Variants in PTPRT observed in about 807,000 individuals in gnomAD.
PTPRT encodes the protein protein tyrosine phosphatase receptor type T, also known as receptor-type tyrosine-protein phosphatase T.
A neutral mutation model predicts 176.8 loss-of-function variants in PTPRT; 56 were observed. The ratio of observed to expected loss-of-function variants is 0.32; its 90% CI spans 0.26 to 0.40. PTPRT has a LOEUF of 0.40. PTPRT is among the 10% of genes least tolerant of loss of function. The pLI is 1.00. For missense variants in PTPRT, 1,540 were observed against 1,908.2 expected, an observed-to-expected ratio of 0.81 and a Z score of 3.60; for synonymous variants, 783 against 739.0, an observed-to-expected ratio of 1.06 and a Z score of -0.96.
At chr20:42,362,173 G>A (rs866018743) in intron 9 of PTPRT, among the ~76,000 whole-genome samples, 6 of 152,126 alleles carry the variant, frequency 3.9e-5, no homozygotes, top group Admixed American at 6.5e-5. Flanking sequence ...GGCTGAGGCT[G>A]GGAGGATTGC....
chr20:43,110,255 T>C (rs1028521303), intron 1 of PTPRT, among the ~76,000 whole-genome samples: 2 of 152,296 alleles, frequency 1.3e-5, no homozygotes, highest in East Asian at 1.9e-4. Flanking sequence ...AGGGAACTAA[T>C]AGAGTGACAG....
intron 19 of PTPRT, among the ~76,000 whole-genome samples, chr20:42,128,471 G>A (rs1987967838): frequency 6.6e-6 from 1 of 152,092 alleles, no homozygotes; most frequent in Non-Finnish European, 1.5e-5. Context: ...GCGTTTATGT[G>A]AATGAATGAA....
At chr20:42,868,713 C>T (rs2078793315) in intron 2 of PTPRT, among the ~76,000 whole-genome samples, 1 of 152,172 alleles carries the variant, frequency 6.6e-6, no homozygotes, top group African/African-American at 2.4e-5. Context: ...AAGCCAGATG[C>T]TATTTATCAA....
intron 1 of PTPRT, among the ~76,000 whole-genome samples, chr20:43,004,714 A>G (rs1984765123): frequency 6.6e-6 from 1 of 152,236 alleles, no homozygotes; most frequent in Admixed American, 6.5e-5. Flanking sequence ...CATCAACAGA[A>G]GAATGGCACA....
the PTPRT span, among the ~76,000 whole-genome samples, chr20:42,057,729 C>A: frequency 6.6e-6 from 1 of 151,950 alleles, no homozygotes; most frequent in Admixed American, 6.6e-5. Flanking sequence ...GCTAGGACTA[C>A]AGATAAACAC....
intron 6 of PTPRT, among the ~76,000 whole-genome samples, chr20:42,713,672 C>A (rs1473457520): frequency 6.6e-6 from 1 of 152,148 alleles, no homozygotes; most frequent in Non-Finnish European, 1.5e-5. Context: ...TAAAATGTAA[C>A]CCCGATTGTT....
chr20:42,694,971 G>A (rs772667800), intron 6 of PTPRT, among the ~76,000 whole-genome samples: 6 of 152,188 alleles, frequency 3.9e-5, no homozygotes, highest in Non-Finnish European at 1.5e-5. Flanking sequence ...CCACTGCAAA[G>A]ATCATGCATG....
chr20:42,446,904 G>A (rs1315689100), intron 9 of PTPRT, among the ~76,000 whole-genome samples: 2 of 152,044 alleles, frequency 1.3e-5, no homozygotes, highest in East Asian at 1.9e-4. Flanking sequence ...CAAGCTCCCT[G>A]CAACTTCTAA....
At chr20:43,122,354 G>A (rs770717454) in intron 1 of PTPRT, among the ~76,000 whole-genome samples, 7 of 152,124 alleles carry the variant, frequency 4.6e-5, no homozygotes, top group Admixed American at 1.3e-4. Flanking sequence ...GAGCCATGCC[G>A]CTGTGACAGC....
chr20:42,567,485 G>A (rs1376347682), intron 7 of PTPRT, among the ~76,000 whole-genome samples: 1 of 152,116 alleles, frequency 6.6e-6, no homozygotes, highest in Non-Finnish European at 1.5e-5. Context: ...TGATTACCAG[G>A]GGGTGAGGTA....
chr20:42,424,457 G>A (rs2059145946), intron 9 of PTPRT, among the ~76,000 whole-genome samples: 2 of 152,110 alleles, frequency 1.3e-5, no homozygotes, highest in African/African-American at 4.8e-5. Flanking sequence ...CCTTCCACCT[G>A]CCTCCCACTC....
intron 1 of PTPRT, among the ~76,000 whole-genome samples, chr20:43,009,275 G>T (rs1000901303): frequency 6.6e-6 from 1 of 152,094 alleles, no homozygotes; most frequent in Non-Finnish European, 1.5e-5. Flanking sequence ...TTACCCACTC[G>T]CTGACATATC....
At chr20:42,636,611 A>G (rs2074606637) in intron 7 of PTPRT, among the ~76,000 whole-genome samples, 1 of 151,758 alleles carries the variant, frequency 6.6e-6, no homozygotes, top group Non-Finnish European at 1.5e-5. Flanking sequence ...ACGGTAAAAC[A>G]CTGTCTCTAC....
intron 13 of PTPRT, among the ~76,000 whole-genome samples, chr20:42,252,175 G>A (rs1250904925): frequency 6.6e-6 from 1 of 152,182 alleles, no homozygotes; most frequent in Non-Finnish European, 1.5e-5. Context: ...ACGATAGGGT[G>A]GATGGTGGTA....
At chr20:42,470,364 C>A (rs533973876) in intron 8 of PTPRT, among the ~76,000 whole-genome samples, 2 of 152,162 alleles carry the variant, frequency 1.3e-5, no homozygotes, top group African/African-American at 4.8e-5. Flanking sequence ...GCTCAGGTTG[C>A]AGCCAGTTTT....
intron 1 of PTPRT, among the ~76,000 whole-genome samples, chr20:43,082,878 A>C (rs760961808): frequency 6.6e-6 from 1 of 152,166 alleles, no homozygotes; most frequent in Non-Finnish European, 1.5e-5. Context: ...CACCTGGACA[A>C]TGAGATGCCA....
chr20:42,378,594 CAGTG>C (rs1473470546), intron 9 of PTPRT, among the ~76,000 whole-genome samples: 2 of 152,206 alleles, frequency 1.3e-5, no homozygotes, highest in East Asian at 1.9e-4. Context: ...AGGCATATCT[CAGTG>C]AGTATCTGTC....
chr20:42,382,361 C>T (rs1446065917), intron 9 of PTPRT, among the ~76,000 whole-genome samples: 1 of 152,166 alleles, frequency 6.6e-6, no homozygotes, highest in East Asian at 1.9e-4. Context: ...TGGACTAGAG[C>T]CAGTTCTAAA....
In PTPRT at chr20:42,867,465, A is replaced by G. The variant is rs141868127; in HGVS notation, c.214+18342T>C. On this transcript the variant is annotated intron_variant, in intron 2 of 30. Transcript: ENST00000373187. ...TGAGAATTGTGTCATGGTATCTTGT[A>G]TCATTCCTACCCTCCTAAGCTCACC... 2.9e-3 allele frequency among the ~76,000 whole-genome samples: 351 copies of G among 121,300 alleles called. 1 individual carries two copies. Among genetic ancestry groups the G allele is most frequent in the African/African-American group, 0.011 (333 of 30,556 alleles). 79.6% of individuals were successfully genotyped at this position (121,300 alleles called of 152,430 possible).
Sources: gnomAD v4.1 joint callset for allele counts (sites outside exome capture counted in the v4.1 genomes callset) on GRCh38, gnomAD v4.1.1 for gene constraint, MANE v1.5 for transcripts, NCBI Gene and HGNC (gene_info 2026-07-23, HGNC 2026-07-21) for gene names.